MORC1: variants seen among roughly 807,000 people sequenced by gnomAD.
MORC1 encodes the protein MORC family CW-type zinc finger protein 1.
A neutral mutation model predicts 134.9 loss-of-function variants in MORC1; 59 were observed. The ratio of observed to expected loss-of-function variants is 0.44; its 90% CI spans 0.35 to 0.54. The LOEUF is 0.54. MORC1 is among the 20% of genes least tolerant of loss of function. The pLI is 0.00. For synonymous variants in MORC1, 395 were observed against 391.7 expected (o/e 1.01, Z -0.10); for missense variants, 947 against 1,134.5 (o/e 0.83, Z 2.37).
intron 17 of MORC1, among the ~76,000 whole-genome samples, chr3:109,007,297 A>G (rs942447701): frequency 1.3e-5 from 2 of 152,166 alleles, no homozygotes; most frequent in Non-Finnish European, 2.9e-5. Flanking sequence ...AGAAAATCCA[A>G]TGGTTTGTTG....
chr3:109,069,759 T>C lies in MORC1; in HGVS notation c.690-2A>G. 1 of 1,606,494 alleles carries C rather than the reference T, an allele frequency of 6.2e-7. No individual in the cohort carries two copies. The highest frequency in any genetic ancestry group is 8.5e-7 in the Non-Finnish European group (1 of 1,175,464). On this transcript the variant is annotated splice_acceptor_variant, in intron 8 of 27. Transcript: ENST00000232603. LOFTEE classifies it high-confidence loss of function. ...CTGAATGACCACCTCGCTGGGAAAC[T>C]GAAATAGAAAATACAAAATGTCACA... is the stretch of plus-strand genomic sequence containing the variant.
intron 20 of MORC1, among the ~76,000 whole-genome samples, chr3:109,002,027 G>T (rs1473071330): frequency 6.6e-6 from 1 of 152,136 alleles, no homozygotes; most frequent in Non-Finnish European, 1.5e-5. Context: ...ATCCAATAAA[G>T]ACTGCCTCCA....
chr3:109,053,254 G>C (rs769916331), intron 14 of MORC1, among the ~76,000 whole-genome samples: 3 of 152,044 alleles, frequency 2.0e-5, no homozygotes, highest in Non-Finnish European at 4.4e-5. Context: ...ATTCAACCCA[G>C]CAATCCTATT....
intron 17 of MORC1, among the ~76,000 whole-genome samples, chr3:109,025,119 A>T (rs558948203): frequency 6.6e-6 from 1 of 152,292 alleles, no homozygotes; most frequent in South Asian, 2.1e-4. Context: ...GAGTTGCATC[A>T]TTGTAACAAG....
chr3:108,963,506 G>T lies in MORC1; in HGVS notation c.2707C>A (p.Leu903Met). The T allele has an allele frequency of 6.2e-7, 1 of 1,611,440 alleles. No individual in the cohort carries two copies. Residue 903 changes from leucine (L) to methionine (M), a missense_variant, in exon 27 of 28, where the codon CTG (leucine) becomes ATG (methionine). By Grantham distance (15) the Leu-to-Met change is conservative (BLOSUM62 2). This residue lies in a region of MORC1 where 722 missense variants were observed against 817.0 expected (regional missense o/e 0.88). Transcript: ENST00000232603. The part of the protein sequence containing the change: ...NTRGIHNEIS[L>M]GQCENKRKIS... ...TTTCTTTTATTTTCACATTGCCCCA[G>T]AGAGATTTCATTATGTATTCCTCTT... is the stretch of plus-strand genomic sequence containing the variant.
At chr3:109,048,864 C>T (rs1369715321) in intron 14 of MORC1, among the ~76,000 whole-genome samples, 1 of 152,136 alleles carries the variant, frequency 6.6e-6, no homozygotes, top group African/African-American at 2.4e-5. Flanking sequence ...TTCTTAAAGG[C>T]CCTATCTCCA....
intron 26 of MORC1, among the ~76,000 whole-genome samples, chr3:108,966,351 G>A: frequency 6.6e-6 from 1 of 152,172 alleles, no homozygotes; most frequent in South Asian, 2.1e-4. Flanking sequence ...TTTGTGCAAA[G>A]TAAGGAAGGC....
At chr3:109,060,856 C>T (rs980862232) in intron 11 of MORC1, among the ~76,000 whole-genome samples, 4 of 152,034 alleles carry the variant, frequency 2.6e-5, no homozygotes, top group African/African-American at 4.8e-5. Context: ...AGGTCCTGAC[C>T]CATTAGTCTT....
At chr3:109,098,382 C>T (rs965661647) in intron 6 of MORC1, among the ~76,000 whole-genome samples, 1 of 152,124 alleles carries the variant, frequency 6.6e-6, no homozygotes, top group East Asian at 1.9e-4. Flanking sequence ...AACATAAATG[C>T]TTACAGCATC....
chr3:109,080,242 G>A lies in MORC1; in HGVS notation c.690-10485C>T, dbSNP rs1375513157. ...GGGAAGCCTCACAATCATGGCAGAA[G>A]GCAAGGAGGAGCAAGTCACGTCTTA... On this transcript the variant is annotated intron_variant, in intron 8 of 27. Transcript: ENST00000232603. 4.6e-5 allele frequency among the ~76,000 whole-genome samples: 7 copies of A among 152,144 alleles called. 1 individual carries two copies. The highest frequency in any genetic ancestry group is 1.3e-4 in the Admixed American group (2 of 15,274).
intron 17 of MORC1, among the ~76,000 whole-genome samples, chr3:109,016,441 G>A (rs1212656075): frequency 6.6e-6 from 1 of 152,174 alleles, no homozygotes; most frequent in Non-Finnish European, 1.5e-5. Context: ...TTTTAGGTGT[G>A]TGTGAACACC....
At chr3:109,054,686 T>A (rs753919368) in intron 14 of MORC1, 42 bp downstream of exon 14, 1 of 1,407,906 alleles carries the variant, frequency 7.1e-7, no homozygotes, top group African/African-American at 1.5e-5. Context: ...CAGAAAGTAA[T>A]CCCTCTGTAA....
intron 17 of MORC1, among the ~76,000 whole-genome samples, chr3:109,014,946 C>A (rs549011914): frequency 6.6e-6 from 1 of 152,048 alleles, no homozygotes; most frequent in Non-Finnish European, 1.5e-5. Flanking sequence ...AGTGCAGTGG[C>A]GTAATCTCGG....
At position 109,047,470 on chromosome 3, in the gene MORC1, G is replaced by A. The variant is rs532153906; in HGVS notation, c.1330+7258C>T. 7.2e-5 allele frequency among the ~76,000 whole-genome samples: 11 copies of A among 152,140 alleles called. No homozygotes were observed. The South Asian group carries it at 2.3e-3, about 32-fold the overall frequency. ...ATGATAATACAGGTACAGTCAGAAA[G>A]GAAGCATAAGTGCTTTCAATGGTAG... On this transcript the variant is annotated intron_variant, in intron 14 of 27. Transcript: ENST00000232603.
rs774558679 is a variant in MORC1 at position 109,095,023 on chromosome 3, C to T, written c.469G>A (p.Val157Ile). Residue 157 changes from valine to isoleucine, a missense_variant, in exon 7 of 28, where the codon GTC (valine) becomes ATC (isoleucine). Val to Ile is a conservative substitution (Grantham distance 29). Coordinates refer to ENST00000232603, the MANE Select transcript of MORC1 (RefSeq NM_014429.4). The stretch of plus-strand genomic sequence containing the variant: ...GCAAATTTCTGGGGATCATCTGTGA[C>T]AGATTCTCTGGTTCTTATTAACCAT... The part of the protein sequence containing the change: ...PSWLIRTRES[V>I]TDDPQKFAME... The T allele has an allele frequency of 1.3e-6, 2 of 1,591,922 alleles. No homozygotes were observed. The highest frequency in any genetic ancestry group is 8.5e-7 in the Non-Finnish European group (1 of 1,173,670).
intron 9 of MORC1, among the ~76,000 whole-genome samples, chr3:109,068,244 G>A (rs957136498): frequency 1.3e-5 from 2 of 152,126 alleles, no homozygotes; most frequent in African/African-American, 4.8e-5. Flanking sequence ...TGGGGTACAG[G>A]TGGTGTTTGG....
intron 14 of MORC1, among the ~76,000 whole-genome samples, chr3:109,048,690 T>C (rs1291299724): frequency 2.0e-5 from 3 of 152,212 alleles, no homozygotes; most frequent in Non-Finnish European, 2.9e-5. Context: ...GCTTCCCTAC[T>C]TTGCTTACAG....
At chr3:109,081,283 G>A (rs1167222546) in intron 8 of MORC1, among the ~76,000 whole-genome samples, 3 of 152,106 alleles carry the variant, frequency 2.0e-5, no homozygotes, top group Non-Finnish European at 4.4e-5. Context: ...AAATGGTGGT[G>A]CAGAAGTAGA....
chr3:109,000,826 T>TA (rs1482509136), intron 20 of MORC1, among the ~76,000 whole-genome samples, 168 bp from the exon 21 acceptor site: 2 of 152,220 alleles, frequency 1.3e-5, no homozygotes, highest in East Asian at 3.8e-4. Flanking sequence ...TGATAAGACT[T>TA]AGAGCATATC....
Sources: gnomAD v4.1 joint callset for allele counts (sites outside exome capture counted in the v4.1 genomes callset) on GRCh38, gnomAD v4.1.1 for gene constraint, gnomAD v4.1.1 regional missense constraint, MANE v1.5 for transcripts, NCBI Gene and HGNC (gene_info 2026-07-23, HGNC 2026-07-21) for gene names.